PDZD2: variants seen among roughly 807,000 people sequenced by gnomAD.
The protein encoded by PDZD2 is PDZ domain containing 2.
Under a neutral mutation model 220.7 loss-of-function variants are expected in PDZD2, and 90 were observed. The observed-to-expected ratio is 0.41, with a 90% CI of 0.34 to 0.49. The LOEUF is 0.49. Ranked by LOEUF, PDZD2 falls within the 20% of genes least tolerant of loss-of-function variation. PDZD2 has a pLI of 0.28. For missense variants in PDZD2, 3,174 were observed against 3,608.5 expected (o/e 0.88, Z 3.08); for synonymous variants, 1,375 against 1,450.5 (o/e 0.95, Z 1.18).
At chr5:31,994,375 G>A (rs987944012) in intron 3 of PDZD2, among the ~76,000 whole-genome samples, 5 of 151,876 alleles carry the variant, frequency 3.3e-5, no homozygotes, top group African/African-American at 7.3e-5. Flanking sequence ...TTTAGGGAAC[G>A]TGCAGCCCAG....
chr5:32,080,271 C>G (rs927119881), intron 19 of PDZD2, among the ~76,000 whole-genome samples: 2 of 146,518 alleles, frequency 1.4e-5, no homozygotes, highest in African/African-American at 5.1e-5. Flanking sequence ...TGGTGTGAAC[C>G]CGGGAGGTGG....
Position 32,088,802 on chromosome 5 carries a change from A to G in PDZD2, c.5354A>G (p.Asp1785Gly). The G allele has an allele frequency of 6.2e-7, 1 of 1,613,982 alleles. No individual in the cohort carries two copies. The highest frequency in any genetic ancestry group is 1.1e-5 in the South Asian group (1 of 91,070). ...ATCTCTGAAAGTCAAGACCTGGATGACTTGCTACAGAAACCAAAAATGATC... is the reference window on the plus strand; with the variant it reads ...ATCTCTGAAAGTCAAGACCTGGATGGCTTGCTACAGAAACCAAAAATGATC... ...LHISESQDLD[D>G]LLQKPKMIAR... The change falls in exon 20 of 25, where the codon GAC becomes GGC. Residue 1785 changes from aspartate to glycine, a missense_variant. By Grantham distance (94) the Asp-to-Gly change is moderately conservative. This residue lies in a region of PDZD2 where 1,861 missense variants were observed against 2,001.0 expected (regional missense o/e 0.93). Coordinates refer to ENST00000438447, the MANE Select transcript of PDZD2 (RefSeq NM_178140.4). This position sits in a 1 kb window ranked among gnomAD's most constrained non-coding sequence, Gnocchi z 4.6.
chr5:31,700,565 G>A (rs1412100249), intron 1 of PDZD2, among the ~76,000 whole-genome samples: 1 of 152,200 alleles, frequency 6.6e-6, no homozygotes, highest in Non-Finnish European at 1.5e-5. Flanking sequence ...TTCCCTGCAA[G>A]GCCCTGCCTG....
At chr5:31,929,242 GC>G (rs898208442) in intron 2 of PDZD2, among the ~76,000 whole-genome samples, 4 of 152,246 alleles carry the variant, frequency 2.6e-5, no homozygotes, top group African/African-American at 9.6e-5. Context: ...TTAATTTTCT[GC>G]CCCCTGTCAG....
intron 1 of PDZD2, among the ~76,000 whole-genome samples, chr5:31,772,601 T>G (rs899529140): frequency 6.6e-6 from 1 of 152,216 alleles, no homozygotes; most frequent in African/African-American, 2.4e-5. Context: ...CTCCAACCAC[T>G]TGGCCCCTGT....
At chr5:32,022,335 C>T (rs13166735) in intron 6 of PDZD2, among the ~76,000 whole-genome samples, 19,127 of 148,916 alleles carry the variant, frequency 0.13, 1,471 homozygotes, top group Admixed American at 0.17. Flanking sequence ...GTAGCTGGGA[C>T]TACAGGCGCA....
At chr5:32,048,478 G>T in intron 7 of PDZD2, 61 bp from the exon 8 acceptor site, 1 of 1,427,308 alleles carries the variant, frequency 7.0e-7, no homozygotes. Flanking sequence ...TATGCCTCTG[G>T]ATGTGCTTAC....
At chr5:31,796,298 G>A (rs1016382379) in intron 1 of PDZD2, among the ~76,000 whole-genome samples, 1 of 152,092 alleles carries the variant, frequency 6.6e-6, no homozygotes, top group African/African-American at 2.4e-5. Context: ...TGGTTAGGGC[G>A]AGGGCAGCAA....
chr5:32,043,956 A>G (rs2547934), intron 7 of PDZD2, among the ~76,000 whole-genome samples: 74,855 of 151,898 alleles, frequency 0.49, 18,586 homozygotes, highest in South Asian at 0.61. Flanking sequence ...TATTATGTTC[A>G]TTGTCATTTT....
At chr5:31,867,829 C>G (rs1738366504) in intron 2 of PDZD2, among the ~76,000 whole-genome samples, 1 of 151,664 alleles carries the variant, frequency 6.6e-6, no homozygotes. Context: ...TAAATCCCTA[C>G]CCGTAACTAT....
chr5:31,883,115 T>TG (rs1740085842), intron 2 of PDZD2, among the ~76,000 whole-genome samples: 1 of 148,116 alleles, frequency 6.8e-6, no homozygotes, highest in East Asian at 2.0e-4. Flanking sequence ...TATATTGTGA[T>TG]GGGGAGAGAC....
chr5:31,726,997 C>T (rs948058585), intron 1 of PDZD2, among the ~76,000 whole-genome samples: 3 of 152,262 alleles, frequency 2.0e-5, no homozygotes, highest in Middle Eastern at 3.4e-3. Flanking sequence ...AGGCACTTCA[C>T]ATGGCAGGAG....
intron 2 of PDZD2, among the ~76,000 whole-genome samples, chr5:31,837,315 G>A (rs984718531): frequency 6.6e-6 from 1 of 152,172 alleles, no homozygotes; most frequent in Admixed American, 6.5e-5. Flanking sequence ...GGGTACCAGG[G>A]GGAGCAGAGT....
In PDZD2 at chr5:32,108,633, G is replaced by GT; in HGVS notation, c.*499dup. 6.5e-6 allele frequency: 1 copy of GT among 152,988 alleles called. No homozygotes were observed. Among genetic ancestry groups the GT allele is most frequent in the South Asian group, 2.1e-4 (1 of 4,838 alleles). The allele number at this position is 152,988 out of a possible 1,614,324, so 9.5% of individuals were successfully genotyped here. ...GGCACATTCAATGGAAGGAGGAGATGTAGGTCTGTATATGTTACCCTGAAA... is the reference window on the plus strand; with the variant it reads ...GGCACATTCAATGGAAGGAGGAGATGTTAGGTCTGTATATGTTACCCTGAAA... On this transcript the variant is annotated 3_prime_UTR_variant, in exon 25 of 25. Transcript: ENST00000438447.
intron 6 of PDZD2, among the ~76,000 whole-genome samples, chr5:32,013,705 T>G (rs1312509409): frequency 1.3e-5 from 2 of 152,186 alleles, no homozygotes; most frequent in East Asian, 1.9e-4. Context: ...GCCCATTATC[T>G]TCGGTGGAGA....
intron 2 of PDZD2, among the ~76,000 whole-genome samples, chr5:31,860,273 G>A (rs1016381259): frequency 2.0e-5 from 3 of 151,968 alleles, no homozygotes; most frequent in African/African-American, 7.3e-5. Flanking sequence ...TGGTACCTAG[G>A]GCCAAGGTGA....
In PDZD2 at chr5:31,654,526, T is replaced by C. The variant is rs531754082; in HGVS notation, c.-361+15089T>C. Among the ~76,000 whole-genome samples, 25 of 152,326 alleles carry C rather than the reference T, an allele frequency of 1.6e-4. No homozygotes were observed. The South Asian group carries it at 5.0e-3, about 30-fold the overall frequency. On this transcript the variant is annotated intron_variant, in intron 1 of 24. Coordinates refer to ENST00000438447, the MANE Select transcript of PDZD2 (RefSeq NM_178140.4). Reference sequence around the variant, plus strand: ...ACTCCCACCGATCTTATCTCCATCCTGTACTCCTTGCATGTATAATTATCT... The same window carrying C: ...ACTCCCACCGATCTTATCTCCATCCCGTACTCCTTGCATGTATAATTATCT...
intron 2 of PDZD2, among the ~76,000 whole-genome samples, chr5:31,951,294 C>A (rs907675569): frequency 3.9e-5 from 6 of 152,150 alleles, no homozygotes; most frequent in African/African-American, 1.4e-4. Context: ...ACTCAAACTC[C>A]TGGGTTCCAG....
intron 24 of PDZD2, among the ~76,000 whole-genome samples, chr5:32,102,354 G>A (rs912713686): frequency 3.3e-5 from 5 of 152,008 alleles, no homozygotes; most frequent in Admixed American, 1.3e-4. Flanking sequence ...GAAGCATCTC[G>A]TGATGCAGAG....
Sources: allele counts gnomAD v4.1 joint callset (sites outside exome capture counted in the v4.1 genomes callset), GRCh38; gene constraint gnomAD v4.1.1; regional missense constraint gnomAD v4.1.1; non-coding constraint Gnocchi (gnomAD v3.1); transcripts MANE v1.5; gene names NCBI Gene and HGNC (gene_info 2026-07-23, HGNC 2026-07-21).